Variants in ABCC3 observed in about 807,000 individuals in gnomAD.
ABCC3 encodes ATP-binding cassette sub-family C member 3.
Under a neutral mutation model 165.3 loss-of-function variants are expected in ABCC3, and 121 were observed. The observed-to-expected ratio is 0.73, with a 90% CI of 0.63 to 0.85. The LOEUF is 0.85. Among genes scored for constraint, ABCC3 ranks in the 40% least tolerant of loss-of-function variants. The pLI is 0.00. For synonymous variants in ABCC3, 733 were observed against 810.1 expected, an observed-to-expected ratio of 0.90 and a Z score of 1.62; for missense variants, 1,869 against 1,964.1, an observed-to-expected ratio of 0.95 and a Z score of 0.92.
chr17:50,653,882 G>T (rs1967167867), intron 1 of ABCC3, among the ~76,000 whole-genome samples: 1 of 152,158 alleles, frequency 6.6e-6, no homozygotes, highest in Admixed American at 6.5e-5. Flanking sequence ...CTCGGCATTT[G>T]CTTTATCTGG....
chr17:50,671,372 A>C (rs79065649), intron 17 of ABCC3, among the ~76,000 whole-genome samples: 9,734 of 152,148 alleles, frequency 0.064, 385 homozygotes, highest in East Asian at 0.095. Flanking sequence ...CATCTTGCAA[A>C]ACTAAAATTG....
chr17:50,669,133 C>A lies in ABCC3; in HGVS notation c.1938-7C>A. 1.9e-6 allele frequency: 3 copies of A among 1,595,262 alleles called. No individual in the cohort carries two copies. Among genetic ancestry groups the A allele is most frequent in the Non-Finnish European group, 2.6e-6 (3 of 1,172,992 alleles). On this transcript the variant is annotated splice_region_variant and splice_polypyrimidine_tract_variant and intron_variant, in intron 15 of 30. Transcript: ENST00000285238. ...TCTAACTGGACTCCTGGGGTCCTTG[C>A]CCCCAGCCTAGACATCCAGGTCCCG... is the stretch of plus-strand genomic sequence containing the variant.
intron 17 of ABCC3, among the ~76,000 whole-genome samples, chr17:50,670,997 G>T (rs115352673): frequency 3.3e-5 from 5 of 151,910 alleles, no homozygotes; most frequent in African/African-American, 1.2e-4. Context: ...CCGGCATGGT[G>T]GCTCCCAGCA....
intron 23 of ABCC3, among the ~76,000 whole-genome samples, chr17:50,677,377 C>A (rs905950949): frequency 6.6e-6 from 1 of 152,124 alleles, no homozygotes; most frequent in Non-Finnish European, 1.5e-5. Context: ...AGTCAGTTCC[C>A]GGGGATAGAT....
intron 1 of ABCC3, among the ~76,000 whole-genome samples, chr17:50,646,480 C>T (rs1488330650): frequency 6.6e-6 from 1 of 152,146 alleles, no homozygotes; most frequent in African/African-American, 2.4e-5. Flanking sequence ...ACTTGAAAGT[C>T]ATTGGCATAT....
chr17:50,679,676 T>C, intron 25 of ABCC3, 122 bp from the exon 26 acceptor site: 1 of 885,002 alleles, frequency 1.1e-6, no homozygotes, highest in Non-Finnish European at 1.8e-6. Context: ...CAGGCCCACC[T>C]GGGTCATCCA....
chr17:50,675,274 C>T, intron 19 of ABCC3, 88 bp from the exon 20 acceptor site: 6 of 855,832 alleles, frequency 7.0e-6, no homozygotes, highest in Non-Finnish European at 1.1e-5. Context: ...CCATTGAACC[C>T]CTTTCATTAG....
At chr17:50,663,650 T>G in intron 8 of ABCC3, 31 bp from the exon 9 acceptor site, 1 of 1,611,438 alleles carries the variant, frequency 6.2e-7, no homozygotes, top group Non-Finnish European at 8.5e-7. Flanking sequence ...GGGGCAGCAC[T>G]GCCCACCTCA....
chr17:50,639,235 G>A (rs536393621), intron 1 of ABCC3, among the ~76,000 whole-genome samples: 14 of 152,184 alleles, frequency 9.2e-5, no homozygotes, highest in African/African-American at 3.4e-4. Flanking sequence ...GCTGCTGCAA[G>A]CAAACCCAGT....
intron 15 of ABCC3, 94 bp from the exon 16 acceptor site, chr17:50,669,046 G>A (rs1967585934): frequency 6.3e-7 from 1 of 1,597,508 alleles, no homozygotes. Context: ...GGGGGTGTCT[G>A]GAAGGGCGGA....
At chr17:50,644,310 CAAA>C (rs57937379) in intron 1 of ABCC3, among the ~76,000 whole-genome samples, 781 of 51,188 alleles carry the variant, frequency 0.015, 3 homozygotes, top group African/African-American at 0.058. Flanking sequence ...GACTCCGTCT[CAAA>C]AAAAAAAAAA....
intron 23 of ABCC3, among the ~76,000 whole-genome samples, chr17:50,676,994 G>A (rs1967834705): frequency 6.6e-6 from 1 of 151,832 alleles, no homozygotes; most frequent in Non-Finnish European, 1.5e-5. Flanking sequence ...AAGCAATTCT[G>A]TTTCAGCCTC....
chr17:50,665,257 C>G lies in ABCC3; in HGVS notation c.1431+12C>G, dbSNP rs752225937. 6 of 1,610,662 alleles carry G rather than the reference C, an allele frequency of 3.7e-6. No individual in the cohort carries two copies. Among genetic ancestry groups the G allele is most frequent in the Non-Finnish European group, 5.1e-6 (6 of 1,178,218 alleles). ...TGCGCGCCTTCCAGGTAGGTGCTGTCAGAGGTGCATCCTCCTGCCTGCAGC... is the reference window on the plus strand; with the variant it reads ...TGCGCGCCTTCCAGGTAGGTGCTGTGAGAGGTGCATCCTCCTGCCTGCAGC... On this transcript the variant is annotated intron_variant, in intron 11 of 30. Transcript: ENST00000285238.
rs1597847119 is a variant in ABCC3, at chr17:50,656,976, G to A, written c.349-70G>A. On this transcript the variant is annotated intron_variant, in intron 3 of 30. Transcript: ENST00000285238. ...GGCCCCAGAAACTTCTGGCCATGTGGGATGGGGAGAAATGGAGGCAGGTCC... is the reference window on the plus strand; with the variant it reads ...GGCCCCAGAAACTTCTGGCCATGTGAGATGGGGAGAAATGGAGGCAGGTCC... The A allele has an allele frequency of 1.9e-6, 3 of 1,569,424 alleles. No homozygotes were observed. In the East Asian group the frequency reaches 6.7e-5, roughly 35 times the overall value.
rs144609021 is a variant in ABCC3, at chr17:50,646,569, G to C, written c.46-9263G>C. 6.6e-3 allele frequency among the ~76,000 whole-genome samples: 1,006 copies of C among 152,334 alleles called. 11 individuals carry two copies. Among genetic ancestry groups the C allele is most frequent in the African/African-American group, 0.023 (944 of 41,580 alleles). On this transcript the variant is annotated intron_variant, in intron 1 of 30. Transcript: ENST00000285238. The stretch of plus-strand genomic sequence containing the variant: ...GTGCAGATAGGAAGGAGGCAGAGAA[G>C]AGGAAAGGACTGAGCTCCAGGACCC...
chr17:50,660,829 C>A, intron 7 of ABCC3, 94 bp from the exon 8 acceptor site: 1 of 1,132,238 alleles, frequency 8.8e-7, no homozygotes, highest in Non-Finnish European at 1.3e-6. Context: ...CAGCTCCTTC[C>A]TCCTCCTCAC....
intron 6 of ABCC3, 112 bp from the exon 7 acceptor site, chr17:50,659,125 G>A (rs1270062245): frequency 1.3e-5 from 18 of 1,336,910 alleles, no homozygotes; most frequent in Non-Finnish European, 1.9e-5. Context: ...AGTGCCCGAG[G>A]GAGACCCTCC....
At chr17:50,637,538 T>A (rs2054191396) in intron 1 of ABCC3, among the ~76,000 whole-genome samples, 1 of 152,106 alleles carries the variant, frequency 6.6e-6, no homozygotes, top group South Asian at 2.1e-4. Flanking sequence ...AGCCCGGAAG[T>A]ACCTGAACTA....
At chr17:50,684,603 G>A (rs1420771543) in intron 28 of ABCC3, 106 bp from the exon 29 acceptor site, 4 of 1,249,644 alleles carry the variant, frequency 3.2e-6, no homozygotes, top group Non-Finnish European at 4.4e-6. Flanking sequence ...TGGAAACAGA[G>A]TGGGAATGCT....
Sources: allele counts gnomAD v4.1 joint callset (sites outside exome capture counted in the v4.1 genomes callset), GRCh38; gene constraint gnomAD v4.1.1; transcripts MANE v1.5; gene names NCBI Gene and HGNC (gene_info 2026-07-23, HGNC 2026-07-21).